METTL25: variants seen among roughly 807,000 people sequenced by gnomAD.
METTL25 encodes the protein probable methyltransferase-like protein 25.
Under a neutral mutation model 71.6 loss-of-function variants are expected in METTL25, and 64 were observed. The ratio of observed to expected loss-of-function variants is 0.89; its 90% CI spans 0.73 to 1.10. The LOEUF (loss-of-function observed/expected upper bound fraction) is 1.10. Among genes scored for constraint, METTL25 ranks in the 50% least tolerant of loss-of-function variants. The pLI is 0.00. For missense variants in METTL25, 807 were observed against 707.0 expected (o/e 1.14, Z -1.60); for synonymous variants, 287 against 250.3 (o/e 1.15, Z -1.38).
At chr12:82,431,851 A>G (rs1040555953) in intron 6 of METTL25, among the ~76,000 whole-genome samples, 3 of 151,626 alleles carry the variant, frequency 2.0e-5, no homozygotes, top group Non-Finnish European at 4.4e-5. Context: ...ACATTAACCT[A>G]CAGTTGGGCA....
At chr12:82,386,417 A>ACCTT (rs1414106200) in intron 1 of METTL25, among the ~76,000 whole-genome samples, 24 of 149,338 alleles carry the variant, frequency 1.6e-4, no homozygotes, top group Admixed American at 1.3e-3. Context: ...TAACCAACCT[A>ACCTT]CCTTCCTTCC....
intron 5 of METTL25, among the ~76,000 whole-genome samples, chr12:82,424,172 G>T (rs1193550284): frequency 6.6e-6 from 1 of 152,192 alleles, no homozygotes; most frequent in East Asian, 1.9e-4. Flanking sequence ...TTAAGAAAAT[G>T]TGGCACATAC....
chr12:82,413,792 G>A (rs1240285771), intron 5 of METTL25, among the ~76,000 whole-genome samples: 1 of 151,346 alleles, frequency 6.6e-6, no homozygotes, highest in East Asian at 1.9e-4. Context: ...TATTGGGTTT[G>A]CATAAATAAA....
intron 9 of METTL25, among the ~76,000 whole-genome samples, chr12:82,468,239 C>T (rs535726948): frequency 1.3e-5 from 2 of 152,140 alleles, no homozygotes; most frequent in African/African-American, 4.8e-5. Flanking sequence ...GTCAAATCTA[C>T]CAAAAAGATT....
At chr12:82,367,397 G>A (rs1328506083) in intron 1 of METTL25, among the ~76,000 whole-genome samples, 2 of 151,964 alleles carry the variant, frequency 1.3e-5, no homozygotes, top group Non-Finnish European at 2.9e-5. Context: ...ATGATTTCAT[G>A]CCTTCTGGAG....
At chr12:82,440,230 A>G (rs182472524) in intron 8 of METTL25, among the ~76,000 whole-genome samples, 12 of 151,778 alleles carry the variant, frequency 7.9e-5, no homozygotes, top group Non-Finnish European at 1.5e-4. Context: ...CTATCTCTAT[A>G]TTTCCTCTTT....
chr12:82,379,302 G>T (rs571566791), intron 1 of METTL25, among the ~76,000 whole-genome samples: 1 of 152,072 alleles, frequency 6.6e-6, no homozygotes, highest in African/African-American at 2.4e-5. Flanking sequence ...TCAATTCAAA[G>T]CAATTACTGC....
intron 7 of METTL25, among the ~76,000 whole-genome samples, chr12:82,437,935 A>G (rs1460339596): frequency 6.6e-6 from 1 of 151,556 alleles, no homozygotes; most frequent in African/African-American, 2.4e-5. Context: ...ATCTGTGGGG[A>G]TGTGCATAGG....
intron 5 of METTL25, among the ~76,000 whole-genome samples, chr12:82,412,711 T>A (rs970654302): frequency 1.7e-4 from 26 of 152,250 alleles, no homozygotes; most frequent in African/African-American, 5.8e-4. Context: ...AAATATATAT[T>A]TTTTAAAAGA....
rs367755421 is a variant in METTL25 at position 82,399,070 on chromosome 12, A to G, written c.807A>G (p.Gln269=). 6.8e-6 allele frequency: 11 copies of G among 1,613,184 alleles called. No homozygotes were observed. The highest frequency in any genetic ancestry group is 9.3e-6 in the Non-Finnish European group (11 of 1,179,400). The change falls in exon 4 of 12, where the codon CAA becomes CAG. Residue 269 remains glutamine, a synonymous_variant. Coordinates refer to ENST00000248306, the MANE Select transcript of METTL25 (RefSeq NM_032230.3). ...TGTTTAACAACAGTCCTACAAATCAAGAAAAGATGCCTACCTCAGCTATTT... is the reference window on the plus strand; with the variant it reads ...TGTTTAACAACAGTCCTACAAATCAGGAAAAGATGCCTACCTCAGCTATTT... ...EEVFNNSPTN[Q]EKMPTSAILP... is the part of the protein sequence containing the mutation.
In METTL25 at chr12:82,358,747, C is replaced by T. The variant is rs1484115128; in HGVS notation, c.182C>T (p.Ala61Val). ...TTGCCACCGGAGACAGTGCTGGCTG[C>T]GCTGAGGAAGTCAGCGTCGGAGACG... ...VDLPPETVLAALRKSASETEA... is the reference protein window; with the variant it reads ...VDLPPETVLAVLRKSASETEA... The change falls in exon 1 of 12, where the codon GCG becomes GTG. Residue 61 changes from alanine to valine, a missense_variant. Transcript: ENST00000248306. 1 of 1,614,022 alleles carries T rather than the reference C, an allele frequency of 6.2e-7. No individual in the cohort carries two copies. The highest frequency in any genetic ancestry group is 1.7e-5 in the Admixed American group (1 of 60,018).
chr12:82,392,811 A>G (rs994012705), intron 3 of METTL25, among the ~76,000 whole-genome samples: 2 of 152,000 alleles, frequency 1.3e-5, no homozygotes, highest in Non-Finnish European at 2.9e-5. Flanking sequence ...TGATTTTTGT[A>G]TATGGTGAGA....
chr12:82,467,589 A>G (rs928563565), intron 9 of METTL25, among the ~76,000 whole-genome samples: 3 of 152,012 alleles, frequency 2.0e-5, no homozygotes, highest in South Asian at 2.1e-4. Context: ...TTATATTTCA[A>G]TGTTTTGAAT....
At chr12:82,399,959 A>AG (rs1217821085) in intron 4 of METTL25, among the ~76,000 whole-genome samples, 3 of 151,608 alleles carry the variant, frequency 2.0e-5, no homozygotes, top group Non-Finnish European at 2.9e-5. Flanking sequence ...AAAAAAAAAA[A>AG]AAAGGTAGCT....
intron 9 of METTL25, among the ~76,000 whole-genome samples, chr12:82,464,325 C>CA (rs1892093905): frequency 6.6e-6 from 1 of 151,852 alleles, no homozygotes; most frequent in Non-Finnish European, 1.5e-5. Context: ...AATTCCTCAG[C>CA]ATATGGATAT....
rs372838489 is a variant in METTL25 at position 82,469,879 on chromosome 12, A to G, written c.1573-6765A>G. Among the ~76,000 whole-genome samples the G allele has an allele frequency of 3.1e-4, 47 of 152,294 alleles. 2 individuals are homozygous for G. The South Asian group carries it at 5.8e-3, about 19-fold the overall frequency. Reference sequence around the variant, plus strand: ...TTTCATCTAACATTTCAAGATGTCAATGGTATTGGGTAGAGTGAGTCTCTA... The same window carrying G: ...TTTCATCTAACATTTCAAGATGTCAGTGGTATTGGGTAGAGTGAGTCTCTA... On this transcript the variant is annotated intron_variant, in intron 9 of 11. Transcript: ENST00000248306.
intron 1 of METTL25, among the ~76,000 whole-genome samples, chr12:82,364,530 T>G (rs1361986023): frequency 5.9e-5 from 9 of 152,230 alleles, no homozygotes; most frequent in Admixed American, 5.9e-4. Context: ...GGAAAGACTG[T>G]GGCCTACATG....
intron 5 of METTL25, among the ~76,000 whole-genome samples, chr12:82,419,833 C>A (rs935192745): frequency 1.3e-5 from 2 of 152,052 alleles, no homozygotes; most frequent in Non-Finnish European, 2.9e-5. Flanking sequence ...AGTAGAATTA[C>A]CATTTGATTC....
intron 1 of METTL25, among the ~76,000 whole-genome samples, chr12:82,380,057 T>TAG (rs1044056470): frequency 1.3e-5 from 2 of 152,210 alleles, no homozygotes; most frequent in Non-Finnish European, 1.5e-5. Flanking sequence ...ATCCAATTGT[T>TAG]AGGACACTCA....
Sources: gnomAD v4.1 joint callset for allele counts (sites outside exome capture counted in the v4.1 genomes callset) on GRCh38, gnomAD v4.1.1 for gene constraint, MANE v1.5 for transcripts, NCBI Gene and HGNC (gene_info 2026-07-23, HGNC 2026-07-21) for gene names.